Variants in DCC observed in about 807,000 individuals in gnomAD.
DCC encodes the protein DCC netrin 1 receptor, also known as netrin receptor DCC.
A neutral mutation model predicts 172.5 loss-of-function variants in DCC; 58 were observed. That is an observed-to-expected ratio of 0.34 (90% confidence interval 0.27 to 0.42). DCC has a LOEUF of 0.42. Ranked by LOEUF, DCC falls within the 10% of genes least tolerant of loss-of-function variation. The pLI is 1.00. For missense variants in DCC, 1,740 were observed against 1,791.0 expected (o/e 0.97, Z 0.51); for synonymous variants, 709 against 644.5 (o/e 1.10, Z -1.52).
intron 8 of DCC, among the ~76,000 whole-genome samples, chr18:53,174,981 A>G (rs1433672625): frequency 6.6e-6 from 1 of 152,152 alleles, no homozygotes; most frequent in Non-Finnish European, 1.5e-5. Flanking sequence ...ATTCACCATG[A>G]TCAAGTGGGC....
chr18:52,381,241 G>T (rs1985571806), intron 1 of DCC, among the ~76,000 whole-genome samples: 2 of 152,122 alleles, frequency 1.3e-5, no homozygotes, highest in African/African-American at 4.8e-5. Flanking sequence ...TCCTATAGTA[G>T]ATGAAAATTT....
intron 21 of DCC, among the ~76,000 whole-genome samples, chr18:53,424,218 T>C (rs1364954327): frequency 6.6e-6 from 1 of 152,164 alleles, no homozygotes; most frequent in Admixed American, 6.6e-5. Context: ...ACCAGCTGCT[T>C]GGAATTCTGA....
intron 12 of DCC, among the ~76,000 whole-genome samples, chr18:53,258,370 C>CA (rs778157638): frequency 5.3e-5 from 8 of 152,144 alleles, no homozygotes; most frequent in Non-Finnish European, 8.8e-5. Flanking sequence ...TTTCCCTCTA[C>CA]ACACTGCTTT....
At chr18:52,976,857 G>T (rs910280621) in intron 5 of DCC, among the ~76,000 whole-genome samples, 1 of 152,170 alleles carries the variant, frequency 6.6e-6, no homozygotes, top group Non-Finnish European at 1.5e-5. Flanking sequence ...GCATCTATTT[G>T]TGAAGGGTAC....
chr18:53,430,048 C>T (rs1911511386), intron 21 of DCC, among the ~76,000 whole-genome samples: 1 of 152,076 alleles, frequency 6.6e-6, no homozygotes, highest in African/African-American at 2.4e-5. Context: ...AAATCACCTA[C>T]TTTAAATACG....
chr18:53,460,050 G>C (rs1281330851), intron 24 of DCC, among the ~76,000 whole-genome samples: 1 of 107,434 alleles, frequency 9.3e-6, no homozygotes, highest in Admixed American at 8.8e-5. Flanking sequence ...TTATACAAAG[G>C]GATCTGAAAA....
chr18:52,449,432 A>G (rs1988230834), intron 1 of DCC, among the ~76,000 whole-genome samples: 1 of 152,242 alleles, frequency 6.6e-6, no homozygotes, highest in East Asian at 1.9e-4. Context: ...ATAACTTAAG[A>G]GTCCTTAGAG....
At chr18:52,537,104 T>C (rs776230373) in intron 1 of DCC, among the ~76,000 whole-genome samples, 41 of 152,206 alleles carry the variant, frequency 2.7e-4, no homozygotes, top group Non-Finnish European at 3.8e-4. Context: ...CTCTGATTTT[T>C]CTTCATCTGT....
chr18:52,810,030 A>G (rs1036101790), intron 2 of DCC, among the ~76,000 whole-genome samples: 1 of 152,148 alleles, frequency 6.6e-6, no homozygotes, highest in Non-Finnish European at 1.5e-5. Context: ...TAGGAAATCC[A>G]GCTAGTCCTG....
chr18:52,359,736 G>A (rs1007205763), intron 1 of DCC, among the ~76,000 whole-genome samples: 1 of 152,144 alleles, frequency 6.6e-6, no homozygotes, highest in African/African-American at 2.4e-5. Context: ...ATGCTACAAA[G>A]TAAACCTCTG....
Position 52,624,408 on chromosome 18 carries a change from G to C in DCC, c.92-127646G>C, listed in dbSNP as rs370641841. 1.1e-3 allele frequency among the ~76,000 whole-genome samples: 172 copies of C among 152,278 alleles called. 1 individual carries two copies. The highest frequency in any genetic ancestry group is 3.8e-3 in the African/African-American group (160 of 41,560). ...TAAGCTTCAACAGTTTTAAGATAAA[G>C]GCTGTGGAAATTTAGTTATGGGAAA... On this transcript the variant is annotated intron_variant, in intron 1 of 28. Coordinates refer to ENST00000442544, the MANE Select transcript of DCC (RefSeq NM_005215.4).
chr18:52,574,405 A>G (rs1167055905), intron 1 of DCC, among the ~76,000 whole-genome samples: 1 of 152,228 alleles, frequency 6.6e-6, no homozygotes, highest in Non-Finnish European at 1.5e-5. Context: ...CTAAGTCACC[A>G]TCAATAATAG....
intron 5 of DCC, among the ~76,000 whole-genome samples, chr18:53,047,085 C>A (rs1302644168): frequency 6.6e-6 from 1 of 150,410 alleles, no homozygotes; most frequent in Non-Finnish European, 1.5e-5. Flanking sequence ...TGTTTTCAAG[C>A]CCCAGTGGAC....
intron 1 of DCC, among the ~76,000 whole-genome samples, chr18:52,600,137 GT>G (rs2033988114): frequency 6.6e-6 from 1 of 152,052 alleles, no homozygotes; most frequent in South Asian, 2.1e-4. Flanking sequence ...TTGAAGTTTT[GT>G]TCTTCACATT....
rs757871937 is a variant in DCC, at chr18:53,386,168, A to AAAG, written c.2455+31_2455+33dup. ...GTGAAATTGTTAATCTTCCTCTGAC[A>AAAG]AAGTATATTTGATTTATGGTGAAAA... On this transcript the variant is annotated intron_variant, in intron 16 of 28. Transcript: ENST00000442544. The AAAG allele has an allele frequency of 2.2e-6, 3 of 1,381,514 alleles. No homozygotes were observed. The East Asian group carries it at 6.9e-5, about 32-fold the overall frequency. 85.6% of individuals were successfully genotyped at this position (1,381,514 alleles called of 1,614,324 possible). A position where few individuals can be genotyped will look rare whatever the true frequency, so the allele number is the denominator to read the frequency against.
intron 2 of DCC, among the ~76,000 whole-genome samples, chr18:52,819,707 C>T (rs2145268704): frequency 6.9e-6 from 1 of 143,946 alleles, no homozygotes; most frequent in African/African-American, 2.5e-5. Context: ...TTTTATATAG[C>T]ATGATTAACT....
At chr18:52,447,026 T>G (rs1444809210) in intron 1 of DCC, among the ~76,000 whole-genome samples, 1 of 152,234 alleles carries the variant, frequency 6.6e-6, no homozygotes, top group Non-Finnish European at 1.5e-5. Context: ...CACAGTAATA[T>G]CCTCAGAACA....
Position 52,892,169 on chromosome 18 carries a change from C to T in DCC, c.413-13875C>T, listed in dbSNP as rs539638314. Among the ~76,000 whole-genome samples the T allele has an allele frequency of 1.2e-4, 18 of 152,160 alleles. No individual in the cohort carries two copies. The East Asian group carries it at 3.3e-3, about 28-fold the overall frequency. ...ATAAATACTTCTTGATGCTTTAATA[C>T]TTCTTTTTAAGTTCATGGATATTAC... On this transcript the variant is annotated intron_variant, in intron 2 of 28. Transcript: ENST00000442544.
chr18:52,672,908 A>T (rs1422416091), intron 1 of DCC, among the ~76,000 whole-genome samples: 1 of 152,082 alleles, frequency 6.6e-6, no homozygotes, highest in African/African-American at 2.4e-5. Context: ...CTCTAAAAAA[A>T]ATTAAATTAG....
Sources: gnomAD v4.1 joint callset for allele counts (sites outside exome capture counted in the v4.1 genomes callset) on GRCh38, gnomAD v4.1.1 for gene constraint, MANE v1.5 for transcripts, NCBI Gene and HGNC (gene_info 2026-07-23, HGNC 2026-07-21) for gene names.